The following HLF variants were observed in gnomAD, a reference collection of about 807,000 sequenced individuals.
The protein encoded by HLF is HLF transcription factor, PAR bZIP family member, also known as hepatic leukemia factor.
A neutral mutation model predicts 22.6 loss-of-function variants in HLF; 3 were observed. The observed-to-expected ratio is 0.13, with a 90% CI of 0.06 to 0.34. HLF has a LOEUF of 0.34. HLF is among the 10% of genes least tolerant of loss of function. The pLI is 1.00. For synonymous variants in HLF, 151 were observed against 151.8 expected (o/e 0.99, Z 0.04); for missense variants, 299 against 389.2 (o/e 0.77, Z 1.95).
intron 2 of HLF, among the ~76,000 whole-genome samples, chr17:55,308,649 C>T (rs749590573): frequency 2.0e-5 from 3 of 152,286 alleles, no homozygotes; most frequent in East Asian, 1.9e-4. Context: ...CACTTCACAG[C>T]GTAAAACGAC....
intron 2 of HLF, among the ~76,000 whole-genome samples, 171 bp downstream of exon 2, chr17:55,268,257 A>T (rs938140343): frequency 1.4e-4 from 22 of 152,290 alleles, no homozygotes; most frequent in African/African-American, 5.3e-4. Flanking sequence ...ATGAGCATCC[A>T]TATCACTCAT....
At chr17:55,279,874 T>C (rs1345993435) in intron 2 of HLF, among the ~76,000 whole-genome samples, 2 of 152,176 alleles carry the variant, frequency 1.3e-5, no homozygotes, top group East Asian at 3.8e-4. Flanking sequence ...TAAAATTAAA[T>C]TTTCATATAA....
chr17:55,292,573 G>T (rs1048666298), intron 2 of HLF, among the ~76,000 whole-genome samples: 14 of 152,120 alleles, frequency 9.2e-5, no homozygotes, highest in Non-Finnish European at 2.9e-5. Flanking sequence ...GATGTGACTT[G>T]CTTTATTGGA....
In HLF at chr17:55,320,586, G is replaced by A; in HGVS notation, c.673-78G>A. The A allele has an allele frequency of 7.6e-7, 1 of 1,318,818 alleles. No individual in the cohort carries two copies. Among genetic ancestry groups the A allele is most frequent in the Non-Finnish European group, 1.1e-6 (1 of 939,402 alleles). The allele number at this position is 1,318,818 out of a possible 1,614,324, so 81.7% of individuals were successfully genotyped here. A position where few individuals can be genotyped will look rare whatever the true frequency, so the allele number is the denominator to read the frequency against. On this transcript the variant is annotated intron_variant, in intron 3 of 3. Transcript: ENST00000226067. The surrounding 1 kb of genome is among the most constrained non-coding windows in gnomAD (Gnocchi z 4.2). ...GCACCTCTGCACAATCCTGGAGCCT[G>A]CCCGTGCCCTGGCTGGCACTGGGCT...
intron 2 of HLF, among the ~76,000 whole-genome samples, chr17:55,289,173 C>T (rs1360004448): frequency 6.6e-6 from 1 of 152,168 alleles, no homozygotes. Context: ...CATGTCTCCC[C>T]ATGCCAGCCA....
chr17:55,274,029 G>A (rs1201920032), intron 2 of HLF, among the ~76,000 whole-genome samples: 2 of 150,984 alleles, frequency 1.3e-5, no homozygotes. Context: ...TCTTGGCAGA[G>A]TCTTTCCAGT....
intron 2 of HLF, among the ~76,000 whole-genome samples, chr17:55,274,572 A>G (rs2080888600): frequency 6.6e-6 from 1 of 152,238 alleles, no homozygotes. Context: ...TACGGGCAAT[A>G]TAGCAGTAAT....
At chr17:55,276,448 A>G (rs899502466) in intron 2 of HLF, among the ~76,000 whole-genome samples, 7 of 152,246 alleles carry the variant, frequency 4.6e-5, no homozygotes, top group Admixed American at 1.3e-4. Context: ...AGTATAGCCA[A>G]TAAGAGCTGC....
At chr17:55,292,769 G>T (rs889140556) in intron 2 of HLF, among the ~76,000 whole-genome samples, 7 of 152,080 alleles carry the variant, frequency 4.6e-5, no homozygotes, top group Admixed American at 1.3e-4. Context: ...AATGGACAAA[G>T]AAAATATGGC....
intron 2 of HLF, among the ~76,000 whole-genome samples, chr17:55,283,062 C>T (rs913998078): frequency 2.0e-5 from 3 of 151,970 alleles, no homozygotes; most frequent in Non-Finnish European, 4.4e-5. Flanking sequence ...AATCATTGCT[C>T]CAACGGTTGG....
At chr17:55,317,733 T>C (rs910766652) in intron 3 of HLF, among the ~76,000 whole-genome samples, 6 of 152,184 alleles carry the variant, frequency 3.9e-5, no homozygotes, top group African/African-American at 7.2e-5. Flanking sequence ...GCCCCCAGCA[T>C]TGGACAAGTA....
intron 2 of HLF, among the ~76,000 whole-genome samples, chr17:55,274,140 T>G (rs907898539): frequency 6.6e-6 from 1 of 152,110 alleles, no homozygotes; most frequent in Non-Finnish European, 1.5e-5. Context: ...AAAAAACCCT[T>G]GATAACATCC....
intron 2 of HLF, among the ~76,000 whole-genome samples, chr17:55,279,076 G>A (rs1340875013): frequency 6.6e-6 from 1 of 152,194 alleles, no homozygotes; most frequent in Non-Finnish European, 1.5e-5. Flanking sequence ...CTGGGGAAGT[G>A]AGTATCTTTT....
intron 2 of HLF, among the ~76,000 whole-genome samples, chr17:55,290,810 A>G (rs375010545): frequency 3.9e-5 from 6 of 152,246 alleles, no homozygotes; most frequent in African/African-American, 1.4e-4. Context: ...TGAGCCAAAC[A>G]GTTAGCTGCA....
At chr17:55,298,980 A>C (rs2081133528) in intron 2 of HLF, among the ~76,000 whole-genome samples, 1 of 152,216 alleles carries the variant, frequency 6.6e-6, no homozygotes. Context: ...CTGAAGACCA[A>C]ACTGTCACTT....
At chr17:55,286,544 G>A (rs2081005890) in intron 2 of HLF, among the ~76,000 whole-genome samples, 1 of 152,152 alleles carries the variant, frequency 6.6e-6, no homozygotes, top group Non-Finnish European at 1.5e-5. Flanking sequence ...TGAAAATAAA[G>A]TTGGTTTTGG....
At chr17:55,274,199 T>G (rs570231092) in intron 2 of HLF, among the ~76,000 whole-genome samples, 65 of 152,302 alleles carry the variant, frequency 4.3e-4, no homozygotes, top group Admixed American at 7.2e-4. Flanking sequence ...TTATTAGGTT[T>G]CTCAGAAACC....
At chr17:55,279,041 G>T (rs962173485) in intron 2 of HLF, among the ~76,000 whole-genome samples, 1 of 152,148 alleles carries the variant, frequency 6.6e-6, no homozygotes, top group Admixed American at 6.5e-5. Context: ...CATTATGATT[G>T]ATTTCTTTGT....
At chr17:55,282,005 A>G (rs2080959557) in intron 2 of HLF, among the ~76,000 whole-genome samples, 1 of 152,222 alleles carries the variant, frequency 6.6e-6, no homozygotes. Context: ...TCAGGGGTCT[A>G]CTGAAAAGCC....
Sources: allele counts gnomAD v4.1 joint callset (sites outside exome capture counted in the v4.1 genomes callset), GRCh38; gene constraint gnomAD v4.1.1; non-coding constraint Gnocchi (gnomAD v3.1); transcripts MANE v1.5; gene names NCBI Gene and HGNC (gene_info 2026-07-23, HGNC 2026-07-21).